Variants in VSIR observed in about 807,000 individuals in gnomAD.
VSIR encodes the protein V-set immunoregulatory receptor, also known as V-type immunoglobulin domain-containing suppressor of T-cell activation.
Under a neutral mutation model 31.0 loss-of-function variants are expected in VSIR, and 10 were observed. That is an observed-to-expected ratio of 0.32 (90% CI 0.20 to 0.55). The LOEUF is 0.55. Among genes scored for constraint, VSIR ranks in the 20% least tolerant of loss-of-function variants. The probability of loss-of-function intolerance (pLI) is 0.93; values close to 1 mark genes in which losing one functional copy is unlikely to be tolerated. For missense variants in VSIR, 356 were observed against 416.2 expected, an observed-to-expected ratio of 0.86 and a Z score of 1.26; for synonymous variants, 179 against 180.1, an observed-to-expected ratio of 0.99 and a Z score of 0.05.
At chr10:71,766,146 T>C (rs1479824795) in intron 1 of VSIR, among the ~76,000 whole-genome samples, 1 of 152,252 alleles carries the variant, frequency 6.6e-6, no homozygotes, top group Non-Finnish European at 1.5e-5. Context: ...TTACAATTCT[T>C]TGGCGAGAGG....
chr10:71,766,569 G>C (rs1235195607), intron 1 of VSIR, among the ~76,000 whole-genome samples: 1 of 152,202 alleles, frequency 6.6e-6, no homozygotes, highest in Admixed American at 6.5e-5. Flanking sequence ...ATCTTAACCT[G>C]AGGGCTGCCA....
At chr10:71,766,617 T>C (rs537277271) in intron 1 of VSIR, among the ~76,000 whole-genome samples, 1 of 152,302 alleles carries the variant, frequency 6.6e-6, no homozygotes, top group South Asian at 2.1e-4. Flanking sequence ...AGAGCTGTCT[T>C]ATGACCATGT....
At chr10:71,755,570 C>T in intron 3 of VSIR, 104 bp from the exon 4 acceptor site, 2 of 1,077,602 alleles carry the variant, frequency 1.9e-6, no homozygotes, top group Non-Finnish European at 2.7e-6. Context: ...GGAGACCCGC[C>T]TTTCCCCAGA....
chr10:71,769,060 C>A (rs1334200698), intron 1 of VSIR, among the ~76,000 whole-genome samples: 4 of 152,142 alleles, frequency 2.6e-5, no homozygotes, highest in Non-Finnish European at 4.4e-5. Flanking sequence ...ATGTCATGAC[C>A]AATGAAAGCC....
In VSIR at chr10:71,750,554, A is replaced by G. The variant is rs1839971860; in HGVS notation, c.*699T>C. On this transcript the variant is annotated 3_prime_UTR_variant, in exon 7 of 7. Transcript: ENST00000394957. ...CATCTGTCCTGGCCTCAGATTGCCC[A>G]AGACACCATTTGCTCACGGAGGCCA... is the stretch of plus-strand genomic sequence containing the variant. The G allele has an allele frequency of 6.6e-6, 1 of 152,330 alleles. No homozygotes were observed. Among genetic ancestry groups the G allele is most frequent in the African/African-American group, 2.4e-5 (1 of 41,464 alleles). The allele number at this position is 152,330 out of a possible 1,614,324, so 9.4% of individuals were successfully genotyped here. A position where few individuals can be genotyped will look rare whatever the true frequency, so the allele number is the denominator to read the frequency against.
Position 71,751,151 on chromosome 10 carries a change from G to A in VSIR, c.*102C>T, listed in dbSNP as rs1208881026. ...TATCTGAGCCCAGAGCAGGAGGGAG[G>A]GAACCAGGGCCGAGGCCAAGGAGGC... On this transcript the variant is annotated 3_prime_UTR_variant, in exon 7 of 7. Coordinates refer to ENST00000394957, the MANE Select transcript of VSIR (RefSeq NM_022153.2). The surrounding 1 kb of genome is among the most constrained non-coding windows in gnomAD (Gnocchi z 4.9). The A allele has an allele frequency of 3.7e-6, 5 of 1,369,860 alleles. No individual in the cohort carries two copies. The highest frequency in any genetic ancestry group is 5.0e-6 in the Non-Finnish European group (5 of 999,634). The allele number at this position is 1,369,860 out of a possible 1,614,324, so 84.9% of individuals were successfully genotyped here.
intron 1 of VSIR, among the ~76,000 whole-genome samples, chr10:71,767,880 T>C (rs1840591496): frequency 6.6e-6 from 1 of 152,212 alleles, no homozygotes; most frequent in African/African-American, 2.4e-5. Context: ...AAAGCCTCCG[T>C]GCATCCGGGG....
In VSIR at chr10:71,761,145, G is replaced by A. The variant is rs545508585; in HGVS notation, c.512-221C>T. ...CACTCCCAGGGGCATGTGAATACCC[G>A]CTGGTGCCCACACCTCTATCCGAAC... On this transcript the variant is annotated intron_variant, in intron 2 of 6. Transcript: ENST00000394957. Among the ~76,000 whole-genome samples, 102 of 152,164 alleles carry A rather than the reference G, an allele frequency of 6.7e-4. No homozygotes were observed. In the Middle Eastern group the frequency reaches 0.031, roughly 46 times the overall value.
chr10:71,755,328 C>T (rs771708676), intron 4 of VSIR, 31 bp downstream of exon 4: 1 of 1,586,190 alleles, frequency 6.3e-7, no homozygotes, highest in Admixed American at 1.7e-5. Context: ...CTCGCACCGT[C>T]CACCCACCCC....
At chr10:71,769,862 T>TCA (rs1840647457) in intron 1 of VSIR, among the ~76,000 whole-genome samples, 1 of 152,200 alleles carries the variant, frequency 6.6e-6, no homozygotes, top group South Asian at 2.1e-4. Flanking sequence ...CCAAAGTGAA[T>TCA]GGACCGAATG....
At position 71,751,137 on chromosome 10, in the gene VSIR, A is replaced by G; in HGVS notation, c.*116T>C. On this transcript the variant is annotated 3_prime_UTR_variant, in exon 7 of 7. Coordinates refer to ENST00000394957, the MANE Select transcript of VSIR (RefSeq NM_022153.2). The surrounding 1 kb of genome is among the most constrained non-coding windows in gnomAD (Gnocchi z 4.9). ...CTGGGATGTCACAGTATCTGAGCCC[A>G]GAGCAGGAGGGAGGGAACCAGGGCC... The G allele has an allele frequency of 8.1e-7, 1 of 1,242,198 alleles. No individual in the cohort carries two copies. The highest frequency in any genetic ancestry group is 1.1e-6 in the Non-Finnish European group (1 of 893,738). 76.9% of individuals were successfully genotyped at this position (1,242,198 alleles called of 1,614,324 possible).
Position 71,753,031 on chromosome 10 carries a change from C to A in VSIR, c.677-29G>T. 2.5e-6 allele frequency: 4 copies of A among 1,609,776 alleles called. No homozygotes were observed. In the South Asian group the frequency reaches 3.3e-5, roughly 13 times the overall value. On this transcript the variant is annotated intron_variant, in intron 4 of 6. Transcript: ENST00000394957. ...GGGACAGACAGACAGAGAAGCTGGT[C>A]ATGGAAGGGAAGGCTTCCCCATACA...
chr10:71,765,126 G>A (rs1261769248), intron 1 of VSIR, among the ~76,000 whole-genome samples: 1 of 152,202 alleles, frequency 6.6e-6, no homozygotes, highest in Non-Finnish European at 1.5e-5. Flanking sequence ...CCTGCCCCAA[G>A]GGGGCCCTGT....
At chr10:71,757,657 C>T (rs1052239421) in intron 3 of VSIR, 6 of 152,182 alleles carry the variant, frequency 3.9e-5, no homozygotes, top group Non-Finnish European at 7.3e-5. Context: ...AGGAGTGTGC[C>T]AGGCCCTGAC....
At chr10:71,754,167 T>C (rs1468892545) in intron 4 of VSIR, among the ~76,000 whole-genome samples, 1 of 152,078 alleles carries the variant, frequency 6.6e-6, no homozygotes, top group Non-Finnish European at 1.5e-5. Flanking sequence ...CTGCCCAGCG[T>C]TGCTCTTCTG....
intron 4 of VSIR, 161 bp downstream of exon 4, chr10:71,755,198 C>G (rs1840101332): frequency 1.3e-6 from 1 of 751,174 alleles, no homozygotes; most frequent in African/African-American, 1.7e-5. Flanking sequence ...TTTCTCTCGG[C>G]CATTTCGCCC....
chr10:71,762,272 G>C (rs181452340), intron 1 of VSIR, among the ~76,000 whole-genome samples: 5 of 152,354 alleles, frequency 3.3e-5, no homozygotes, highest in Admixed American at 3.3e-4. Context: ...GGCAGGGAGA[G>C]ACTTGGAGGG....
intron 1 of VSIR, among the ~76,000 whole-genome samples, chr10:71,765,556 G>A (rs1840517138): frequency 6.6e-6 from 1 of 152,202 alleles, no homozygotes; most frequent in Admixed American, 6.5e-5. Context: ...CTAAGCAATG[G>A]GGTTAATGAC....
intron 1 of VSIR, among the ~76,000 whole-genome samples, chr10:71,772,945 A>G (rs1210800836): frequency 6.6e-6 from 1 of 152,244 alleles, no homozygotes; most frequent in African/African-American, 2.4e-5. Flanking sequence ...CTGCAACACT[A>G]GAGCCCTGAG....
Sources: gnomAD v4.1 joint callset for allele counts (sites outside exome capture counted in the v4.1 genomes callset) on GRCh38, gnomAD v4.1.1 for gene constraint, Gnocchi (gnomAD v3.1) non-coding constraint, MANE v1.5 for transcripts, NCBI Gene and HGNC (gene_info 2026-07-23, HGNC 2026-07-21) for gene names.